MTMR9: variants seen among roughly 807,000 people sequenced by gnomAD.
The protein encoded by MTMR9 is myotubularin related protein 9, also known as myotubularin-related protein 9.
Under a neutral mutation model 69.5 loss-of-function variants are expected in MTMR9, and 39 were observed. The observed-to-expected ratio is 0.56, with a 90% CI of 0.43 to 0.73. MTMR9 has a LOEUF of 0.73. Among genes scored for constraint, MTMR9 ranks in the 30% least tolerant of loss-of-function variants. The probability of loss-of-function intolerance (pLI) is 0.00; values close to 1 mark genes in which losing one functional copy is unlikely to be tolerated. For missense variants in MTMR9, 900 were observed against 671.2 expected, an observed-to-expected ratio of 1.34 and a Z score of -3.77; for synonymous variants, 354 against 240.8, an observed-to-expected ratio of 1.47 and a Z score of -4.35.
At chr8:11,337,816 C>A in the MTMR9 span, among the ~76,000 whole-genome samples, 1 of 152,212 alleles carries the variant, frequency 6.6e-6, no homozygotes, top group Non-Finnish European at 1.5e-5. Flanking sequence ...AGATTCCTGT[C>A]ACTTCCTACT....
intron 1 of MTMR9, among the ~76,000 whole-genome samples, chr8:11,286,128 T>A (rs552531487): frequency 2.0e-5 from 3 of 151,576 alleles, no homozygotes; most frequent in African/African-American, 7.3e-5. Context: ...AATTTTTGTA[T>A]TTTTTAGTAG....
At chr8:11,332,583 AGTTT>A (rs1023712958), downstream of MTMR9, among the ~76,000 whole-genome samples, 19 of 148,578 alleles carry the variant, frequency 1.3e-4, no homozygotes, top group African/African-American at 2.7e-4. Flanking sequence ...GGTTCGATAG[AGTTT>A]GTTTGTTTTT....
intron 7 of MTMR9, among the ~76,000 whole-genome samples, chr8:11,315,533 A>G (rs933811548): frequency 9.9e-5 from 15 of 152,244 alleles, no homozygotes; most frequent in African/African-American, 3.6e-4. Context: ...AGTCTCACTC[A>G]TAACAGGGAT....
At position 11,306,291 on chromosome 8, in the gene MTMR9, C is replaced by G; in HGVS notation, c.693C>G (p.Gly231=). 6.2e-7 allele frequency: 1 copy of G among 1,614,082 alleles called. No homozygotes were observed. The stretch of plus-strand genomic sequence containing the variant: ...CTACCCTCAGGGCTGGAAAGCGTGG[C>G]TACATCATTGACACCCGATCCCTGA... ...INATLRAGKR[G]YIIDTRSLNV... Residue 231 remains glycine, a synonymous_variant, in exon 5 of 10, where the codon GGC becomes GGG. Transcript: ENST00000221086.
chr8:11,312,978 A>C (rs1800263159), intron 6 of MTMR9, among the ~76,000 whole-genome samples: 1 of 152,254 alleles, frequency 6.6e-6, no homozygotes, highest in South Asian at 2.1e-4. Context: ...CAGTGGACTT[A>C]AACTATTCAG....
At chr8:11,289,633 A>G (rs544074375) in intron 1 of MTMR9, among the ~76,000 whole-genome samples, 18 of 152,174 alleles carry the variant, frequency 1.2e-4, no homozygotes, top group African/African-American at 4.1e-4. Context: ...CTCATCCACA[A>G]TCCCTGTAGG....
At chr8:11,296,714 T>A (rs1799575118) in intron 2 of MTMR9, among the ~76,000 whole-genome samples, 1 of 152,216 alleles carries the variant, frequency 6.6e-6, no homozygotes, top group African/African-American at 2.4e-5. Flanking sequence ...AATTCTGACT[T>A]TTTAAGGCTG....
chr8:11,332,891 C>A (rs572956857), downstream of MTMR9, among the ~76,000 whole-genome samples: 1 of 152,178 alleles, frequency 6.6e-6, no homozygotes. Context: ...TTAGCCACCA[C>A]GCCCAGCCTT....
At chr8:11,289,424 ACAT>A (rs1799302788) in intron 1 of MTMR9, among the ~76,000 whole-genome samples, 1 of 152,178 alleles carries the variant, frequency 6.6e-6, no homozygotes, top group African/African-American at 2.4e-5. Flanking sequence ...TATATCGCTT[ACAT>A]CATTTTATTT....
intron 3 of MTMR9, among the ~76,000 whole-genome samples, chr8:11,301,900 T>C (rs1799759462): frequency 6.6e-6 from 1 of 152,148 alleles, no homozygotes. Flanking sequence ...ACAGAGAGGT[T>C]AGACACATGC....
Position 11,322,648 on chromosome 8 carries a change from T to A in MTMR9, c.1510T>A (p.Ser504Thr). The A allele has an allele frequency of 3.7e-6, 6 of 1,613,818 alleles. No individual in the cohort carries two copies. Among genetic ancestry groups the A allele is most frequent in the Non-Finnish European group, 5.1e-6 (6 of 1,179,860 alleles). The change falls in exon 10 of 10, where the codon TCC becomes ACC. Residue 504 changes from serine to threonine, a missense_variant. Coordinates refer to ENST00000221086, the MANE Select transcript of MTMR9 (RefSeq NM_015458.4). ...AGGTATTTTCCTACGTTGGAATAGA[T>A]CCTCTAAGTATTTGGATGAAGCATA... ...WEGIFLRWNR[S>T]SKYLDEAYEE...
At chr8:11,305,834 G>C (rs1284366892) in intron 4 of MTMR9, among the ~76,000 whole-genome samples, 1 of 152,180 alleles carries the variant, frequency 6.6e-6, no homozygotes, top group African/African-American at 2.4e-5. Flanking sequence ...TGTATGTTTA[G>C]TTGAAGTCAA....
chr8:11,296,529 A>C (rs758243737), intron 2 of MTMR9, among the ~76,000 whole-genome samples: 17 of 152,152 alleles, frequency 1.1e-4, no homozygotes, highest in South Asian at 2.1e-4. Context: ...GTGTTAAACA[A>C]CACCCCATTT....
downstream of MTMR9, chr8:11,331,714 T>C: frequency 6.2e-7 from 1 of 1,611,986 alleles, no homozygotes; most frequent in South Asian, 1.1e-5. Context: ...GGCCTGGCGC[T>C]GTCCCTGGGG....
intron 1 of MTMR9, among the ~76,000 whole-genome samples, chr8:11,286,690 A>G (rs200170336): frequency 0.3 from 31,447 of 105,672 alleles, 4,778 homozygotes; most frequent in East Asian, 0.47. Flanking sequence ...AAAAAAAAAA[A>G]AGTCTTCAGT....
chr8:11,313,198 C>T (rs1045973510), intron 6 of MTMR9, among the ~76,000 whole-genome samples: 6 of 152,226 alleles, frequency 3.9e-5, no homozygotes, highest in Admixed American at 2.6e-4. Context: ...CCAGCCTCTG[C>T]TAGTTTCCAA....
At chr8:11,328,169 T>C (rs1554507318), downstream of MTMR9, 1 of 152,202 alleles carries the variant, frequency 6.6e-6, no homozygotes, top group Non-Finnish European at 1.5e-5. Flanking sequence ...TTTGAATTTT[T>C]TTTTCAAATA....
chr8:11,339,008 T>C, the MTMR9 span, among the ~76,000 whole-genome samples: 13 of 152,094 alleles, frequency 8.5e-5, no homozygotes, highest in African/African-American at 2.9e-4. Context: ...TAGAGTAGGG[T>C]CATATAGTGT....
intron 6 of MTMR9, among the ~76,000 whole-genome samples, chr8:11,312,114 G>A (rs1466910379): frequency 6.6e-6 from 1 of 151,446 alleles, no homozygotes; most frequent in African/African-American, 2.4e-5. Context: ...GCAGGATCAC[G>A]GCGCACCGCA....
Sources: gnomAD v4.1 joint callset for allele counts (sites outside exome capture counted in the v4.1 genomes callset) on GRCh38, gnomAD v4.1.1 for gene constraint, MANE v1.5 for transcripts, NCBI Gene and HGNC (gene_info 2026-07-23, HGNC 2026-07-21) for gene names.